The following FAT3 variants were observed in gnomAD, a reference collection of about 807,000 sequenced individuals.
FAT3 encodes FAT atypical cadherin 3.
A neutral mutation model predicts 310.2 loss-of-function variants in FAT3; 95 were observed. That is an observed-to-expected ratio of 0.31 (90% confidence interval 0.26 to 0.36). The LOEUF (loss-of-function observed/expected upper bound fraction) is 0.36, where lower values mean the gene tolerates loss of function less well. Among genes scored for constraint, FAT3 ranks in the 10% least tolerant of loss-of-function variants. The pLI is 1.00. For synonymous variants in FAT3, 2,314 were observed against 2,192.9 expected, an observed-to-expected ratio of 1.06 and a Z score of -1.54; for missense variants, 5,408 against 5,715.6, an observed-to-expected ratio of 0.95 and a Z score of 1.74.
chr11:92,785,411 T>C (rs749825498), intron 7 of FAT3, among the ~76,000 whole-genome samples: 4 of 152,134 alleles, frequency 2.6e-5, no homozygotes, highest in Non-Finnish European at 4.4e-5. Flanking sequence ...ATAAACCAGT[T>C]TGTGTCATAA....
Position 92,712,436 on chromosome 11 carries a change from C to T in FAT3, c.3669+14991C>T, listed in dbSNP as rs1944554604. Among the ~76,000 whole-genome samples, 6 of 152,230 alleles carry T rather than the reference C, an allele frequency of 3.9e-5. No individual in the cohort carries two copies. In the South Asian group the frequency reaches 1.2e-3, roughly 32 times the overall value. ...AATAATATGCTTCTATAAAACATCC[C>T]TTTTTGAGAGTAAAAATGTAAAGAA... On this transcript the variant is annotated intron_variant, in intron 4 of 27. Transcript: ENST00000525166.
chr11:92,304,858 G>A (rs1947081434), intron 1 of FAT3, among the ~76,000 whole-genome samples: 1 of 152,054 alleles, frequency 6.6e-6, no homozygotes, highest in South Asian at 2.1e-4. Flanking sequence ...TTTTGGGAGG[G>A]ACAGTTGCAT....
At chr11:92,622,960 C>T (rs1591532330) in intron 3 of FAT3, among the ~76,000 whole-genome samples, 1 of 152,026 alleles carries the variant, frequency 6.6e-6, no homozygotes, top group East Asian at 1.9e-4. Flanking sequence ...AATATATCAG[C>T]CCCTGACCAC....
At chr11:92,813,676 AC>A (rs1198742600) in intron 13 of FAT3, among the ~76,000 whole-genome samples, 1 of 151,838 alleles carries the variant, frequency 6.6e-6, no homozygotes, top group Admixed American at 6.5e-5. Context: ...ATAGTTTGTA[AC>A]CTTTTGAGAT....
intron 2 of FAT3, among the ~76,000 whole-genome samples, chr11:92,370,085 T>A (rs140196034): frequency 0.011 from 1,727 of 152,300 alleles, 35 homozygotes; most frequent in African/African-American, 0.04. Context: ...AGACTCATTC[T>A]CCATATTCTA....
chr11:92,883,561 G>C lies in FAT3; in HGVS notation c.12937+168G>C, dbSNP rs1181704447. On this transcript the variant is annotated intron_variant, in intron 24 of 27. Coordinates refer to ENST00000525166, the MANE Select transcript of FAT3 (RefSeq NM_001367949.2). This position sits in a 1 kb window ranked among gnomAD's most constrained non-coding sequence, Gnocchi z 4.2. ...AGCTCTGGAAAATTGTCCTGGTTCT[G>C]GTTCCCATTTACAGATGGGAGAAAT... 2.6e-5 allele frequency among the ~76,000 whole-genome samples: 4 copies of C among 152,156 alleles called. No individual in the cohort carries two copies. Among genetic ancestry groups the C allele is most frequent in the African/African-American group, 9.7e-5 (4 of 41,446 alleles).
intron 4 of FAT3, among the ~76,000 whole-genome samples, chr11:92,728,519 T>C (rs1945068535): frequency 6.6e-6 from 1 of 152,176 alleles, no homozygotes; most frequent in Non-Finnish European, 1.5e-5. Flanking sequence ...TGGGGTTTTT[T>C]GTTTGTTTTT....
chr11:92,409,999 A>G (rs516646), intron 2 of FAT3, among the ~76,000 whole-genome samples: 16,573 of 152,198 alleles, frequency 0.11, 956 homozygotes, highest in South Asian at 0.18. Flanking sequence ...AGAAGTATAC[A>G]TTGTTCAATC....
At chr11:92,880,575 G>C (rs1210379625) in intron 22 of FAT3, among the ~76,000 whole-genome samples, 156 bp from the exon 23 acceptor site, 1 of 151,988 alleles carries the variant, frequency 6.6e-6, no homozygotes, top group Non-Finnish European at 1.5e-5. Context: ...TTTGTGGCAA[G>C]ATGTTTCAAG....
intron 3 of FAT3, among the ~76,000 whole-genome samples, chr11:92,570,183 C>T (rs1233621161): frequency 6.6e-6 from 1 of 152,202 alleles, no homozygotes; most frequent in East Asian, 1.9e-4. Context: ...AAGTTGAATT[C>T]ACTCCTGAGC....
rs1289174665 is a variant in FAT3, at chr11:92,373,822, A to T, written c.3292+18418A>T. ...CACACACACACACAGAGACATAGAT[A>T]GATATGGATATAGATGTATGAGAGG... On this transcript the variant is annotated intron_variant, in intron 2 of 27. Transcript: ENST00000525166. Among the ~76,000 whole-genome samples, 3 of 151,262 alleles carry T rather than the reference A, an allele frequency of 2.0e-5. No homozygotes were observed. In the East Asian group the frequency reaches 5.8e-4, roughly 29 times the overall value.
intron 1 of FAT3, among the ~76,000 whole-genome samples, chr11:92,235,072 CAA>C (rs757114482): frequency 1.6e-4 from 21 of 127,616 alleles, no homozygotes; most frequent in Non-Finnish European, 2.0e-4. Flanking sequence ...CTCCATCTCT[CAA>C]AAAAAAAAAA....
At chr11:92,803,799 G>A (rs1274017275) in intron 10 of FAT3, among the ~76,000 whole-genome samples, 2 of 152,232 alleles carry the variant, frequency 1.3e-5, no homozygotes, top group African/African-American at 2.4e-5. Context: ...GAAGGGCACA[G>A]TTGTCCCCAG....
intron 2 of FAT3, among the ~76,000 whole-genome samples, chr11:92,496,323 C>G (rs907260818): frequency 1.3e-5 from 2 of 152,014 alleles, no homozygotes; most frequent in African/African-American, 4.8e-5. Flanking sequence ...TAAACCTTCT[C>G]CATCTGTGCC....
chr11:92,772,152 C>T (rs1251216685), intron 6 of FAT3, among the ~76,000 whole-genome samples: 8 of 151,946 alleles, frequency 5.3e-5, no homozygotes, highest in Admixed American at 2.0e-4. Context: ...ATATCATGAC[C>T]CAAAGATTTA....
chr11:92,416,219 CAAAAAAAA>C (rs34393360), intron 2 of FAT3, among the ~76,000 whole-genome samples: 1 of 131,354 alleles, frequency 7.6e-6, no homozygotes, highest in East Asian at 2.3e-4. Flanking sequence ...ACTAAAGATA[CAAAAAAAA>C]AAAAAAAATA....
At chr11:92,725,509 G>A (rs1944972166) in intron 4 of FAT3, among the ~76,000 whole-genome samples, 1 of 151,812 alleles carries the variant, frequency 6.6e-6, no homozygotes, top group African/African-American at 2.4e-5. Context: ...CCAGCATGAT[G>A]GTGTCAATTA....
At chr11:92,307,304 T>A (rs1174330624) in intron 1 of FAT3, among the ~76,000 whole-genome samples, 1 of 152,148 alleles carries the variant, frequency 6.6e-6, no homozygotes, top group Non-Finnish European at 1.5e-5. Context: ...AACATCATGT[T>A]GAAGCTGGAA....
intron 2 of FAT3, among the ~76,000 whole-genome samples, chr11:92,397,415 G>A (rs564302957): frequency 9.2e-5 from 14 of 152,178 alleles, no homozygotes; most frequent in Non-Finnish European, 1.3e-4. Flanking sequence ...CCTAAGGTTC[G>A]CTTTTCCATT....
Sources: gnomAD v4.1 joint callset for allele counts (sites outside exome capture counted in the v4.1 genomes callset) on GRCh38, gnomAD v4.1.1 for gene constraint, Gnocchi (gnomAD v3.1) non-coding constraint, MANE v1.5 for transcripts, NCBI Gene and HGNC (gene_info 2026-07-23, HGNC 2026-07-21) for gene names.